The following RMDN3 variants were observed in gnomAD, a reference collection of about 807,000 sequenced individuals.
The protein encoded by RMDN3 is regulator of microtubule dynamics 3.
A neutral mutation model predicts 61.8 loss-of-function variants in RMDN3; 41 were observed. The ratio of observed to expected loss-of-function variants is 0.66; its 90% confidence interval spans 0.52 to 0.86. RMDN3 has a LOEUF of 0.86. RMDN3 is among the 40% of genes least tolerant of loss of function. The pLI is 0.00. For synonymous variants in RMDN3, 247 were observed against 232.0 expected (o/e 1.06, Z -0.59); for missense variants, 557 against 585.3 (o/e 0.95, Z 0.50).
rs1596038619 is a variant in RMDN3, at chr15:40,737,966, T to C, written c.1124A>G (p.Gln375Arg). 1.2e-6 allele frequency: 2 copies of C among 1,614,170 alleles called. No homozygotes were observed. The highest frequency in any genetic ancestry group is 1.7e-6 in the Non-Finnish European group (2 of 1,180,000). Residue 375 changes from glutamine (Q) to arginine (R), a missense_variant and splice_region_variant, in exon 9 of 13, where the codon CAG (glutamine) becomes CGG (arginine). Transcript: ENST00000338376. ...GTCAAGCACTGAAACGCAGCTTACC[T>C]GATAGCACCACCTGCCAAGAAGAAA... ...AHFLLGRWCY[Q>R]VSHLSWLEKK...
intron 4 of RMDN3, 21 bp from the exon 5 acceptor site, chr15:40,745,280 A>C (rs35952852): frequency 1.9e-6 from 3 of 1,610,232 alleles, no homozygotes; most frequent in Admixed American, 3.3e-5. Flanking sequence ...AATGTAAGGG[A>C]CAACAAGAGG....
At position 40,754,291 on chromosome 15, in the gene RMDN3, G is replaced by A. The variant is rs560217653; in HGVS notation, c.187+306C>T. ...GACTACAGGCCGCGCCACCACGCCC[G>A]GCTAATTTTTGTATTTTTAGTAGAG... is the stretch of plus-strand genomic sequence containing the variant. On this transcript the variant is annotated intron_variant, in intron 2 of 12. Transcript: ENST00000338376. Among the ~76,000 whole-genome samples the A allele has an allele frequency of 5.0e-4, 76 of 152,022 alleles. 1 individual carries two copies. In the South Asian group the frequency reaches 0.011, roughly 23 times the overall value.
In RMDN3 at chr15:40,751,545, T is replaced by C. The variant is rs1412474413; in HGVS notation, c.405A>G (p.Arg135=). 1 of 1,614,170 alleles carries C rather than the reference T, an allele frequency of 6.2e-7. No individual in the cohort carries two copies. Among genetic ancestry groups the C allele is most frequent in the Non-Finnish European group, 8.5e-7 (1 of 1,180,028 alleles). Residue 135 remains arginine, a synonymous_variant, in exon 4 of 13, where the codon AGA becomes AGG. Coordinates refer to ENST00000338376, the MANE Select transcript of RMDN3 (RefSeq NM_018145.3). ...ACGGAAACCTTCGCCGCCGAGCCAC[T>C]CTCTGGTTCTCTTCCATGTGGCATC... ...EVRCHMEENQ[R]VARRRRFPFV...
rs879078635 is a variant in RMDN3, at chr15:40,736,651, C to T, written c.1360-57G>A. On this transcript the variant is annotated intron_variant, in intron 12 of 12. Coordinates refer to ENST00000338376, the MANE Select transcript of RMDN3 (RefSeq NM_018145.3). Reference sequence around the variant, plus strand: ...AAATTTAAACCAGCATTTTCCCAAACCAGTGGAACCTAAGAAGAGGGGCCC... The same window carrying T: ...AAATTTAAACCAGCATTTTCCCAAATCAGTGGAACCTAAGAAGAGGGGCCC... 1.3e-5 allele frequency: 19 copies of T among 1,496,286 alleles called. No homozygotes were observed. The South Asian group carries it at 1.9e-4, about 15-fold the overall frequency. 92.7% of individuals were successfully genotyped at this position (1,496,286 alleles called of 1,614,324 possible).
At chr15:40,743,944 C>A in intron 6 of RMDN3, 103 bp downstream of exon 6, 1 of 944,130 alleles carries the variant, frequency 1.1e-6, no homozygotes. Flanking sequence ...TGAGCCACAA[C>A]TGCTGACAGC....
At chr15:40,738,822 G>GTAA in intron 7 of RMDN3, 1 of 542,390 alleles carries the variant, frequency 1.8e-6, no homozygotes, top group Non-Finnish European at 3.3e-6. Flanking sequence ...AAAAAGCTGG[G>GTAA]TTCACCACAG....
intron 4 of RMDN3, chr15:40,747,693 T>G (rs1011662264): frequency 6.6e-6 from 1 of 151,970 alleles, no homozygotes; most frequent in East Asian, 1.9e-4. Flanking sequence ...TTTGGTCCTG[T>G]GCACTCCGGA....
intron 6 of RMDN3, among the ~76,000 whole-genome samples, chr15:40,742,551 G>A (rs766764777): frequency 1.9e-4 from 29 of 152,204 alleles, no homozygotes; most frequent in Non-Finnish European, 4.0e-4. Context: ...CTGCCTCCTG[G>A]TGGTCCAGCT....
In RMDN3 at chr15:40,751,151, G is replaced by A. The variant is rs114722598; in HGVS notation, c.524+275C>T. 4.1e-3 allele frequency among the ~76,000 whole-genome samples: 621 copies of A among 152,334 alleles called. 7 individuals carry two copies. Among genetic ancestry groups the A allele is most frequent in the African/African-American group, 0.014 (602 of 41,574 alleles). Reference sequence around the variant, plus strand: ...AACAAAGTCAAACAATGCTTATCAAGTCCTTGTGATAACACAGAAAAATGC... The same window carrying A: ...AACAAAGTCAAACAATGCTTATCAAATCCTTGTGATAACACAGAAAAATGC... On this transcript the variant is annotated intron_variant, in intron 4 of 12. Transcript: ENST00000338376.
chr15:40,738,175 T>G (rs1266768307), intron 8 of RMDN3, 133 bp from the exon 9 acceptor site: 1 of 910,298 alleles, frequency 1.1e-6, no homozygotes. Flanking sequence ...TCACCTGAGG[T>G]CAGGAGTTCG....
chr15:40,755,054 A>G, intron 1 of RMDN3, 29 bp downstream of exon 1: 1 of 413,608 alleles, frequency 2.4e-6, no homozygotes, highest in East Asian at 4.4e-5. Context: ...CGGGTCACAG[A>G]GTCCGGCTTC....
chr15:40,741,266 G>A (rs1897265746), intron 6 of RMDN3, among the ~76,000 whole-genome samples: 2 of 152,064 alleles, frequency 1.3e-5, no homozygotes, highest in Admixed American at 1.3e-4. Context: ...CTAGAACTTT[G>A]AGAGGCCAAG....
Position 40,752,176 on chromosome 15 carries a change from T to G in RMDN3, c.190A>C (p.Met64Leu). Residue 64 changes from methionine to leucine, a missense_variant and splice_region_variant, in exon 3 of 13, where the codon ATG (methionine) becomes CTG (leucine). By Grantham distance (15) the Met-to-Leu change is conservative (BLOSUM62 2). Coordinates refer to ENST00000338376, the MANE Select transcript of RMDN3 (RefSeq NM_018145.3). ...TQTSDPGRHV[M>L]LLRAVPGGAG... ...CCACCTGGGACAGCCCGCAGGAGCA[T>G]CACTGAAGGGGGAAACGAATGGGAG... 2 of 1,612,700 alleles carry G rather than the reference T, an allele frequency of 1.2e-6. No individual in the cohort carries two copies. Among genetic ancestry groups the G allele is most frequent in the Non-Finnish European group, 1.7e-6 (2 of 1,179,256 alleles).
chr15:40,744,638 GA>G (rs921159447), intron 5 of RMDN3, among the ~76,000 whole-genome samples: 51 of 148,372 alleles, frequency 3.4e-4, no homozygotes, highest in Non-Finnish European at 6.4e-4. Context: ...GAAATGAGGA[GA>G]AAAAAAAAAT....
At position 40,736,332 on chromosome 15, in the gene RMDN3, CAGAAACGGAAGCCATG is replaced by C; in HGVS notation, c.*193_*208del. The C allele has an allele frequency of 1.9e-6, 1 of 522,438 alleles. No homozygotes were observed. 32.4% of individuals were successfully genotyped at this position (522,438 alleles called of 1,614,324 possible). A position where few individuals can be genotyped will look rare whatever the true frequency, so the allele number is the denominator to read the frequency against. Reference sequence around the variant, plus strand: ...AGAGATTACTCAAGGGAGAGAACAACAGAAACGGAAGCCATGAGTACTGCCCCAATTCTAGATTAGG... The same window carrying C: ...AGAGATTACTCAAGGGAGAGAACAACAGTACTGCCCCAATTCTAGATTAGG... On this transcript the variant is annotated 3_prime_UTR_variant, in exon 13 of 13. Coordinates refer to ENST00000338376, the MANE Select transcript of RMDN3 (RefSeq NM_018145.3).
At position 40,740,212 on chromosome 15, in the gene RMDN3, T is replaced by A; in HGVS notation, c.911-19A>T. ...TCTTTTCCTGTAGGACGAAGGTAGA[T>A]CCAGAGTTGACATAGCTCTTATGCA... On this transcript the variant is annotated intron_variant, in intron 6 of 12. Coordinates refer to ENST00000338376, the MANE Select transcript of RMDN3 (RefSeq NM_018145.3). 6.3e-7 allele frequency: 1 copy of A among 1,584,836 alleles called. No homozygotes were observed. The highest frequency in any genetic ancestry group is 8.7e-7 in the Non-Finnish European group (1 of 1,155,156).
At chr15:40,744,267 A>T in intron 5 of RMDN3, 118 bp from the exon 6 acceptor site, 1 of 844,686 alleles carries the variant, frequency 1.2e-6, no homozygotes, top group Non-Finnish European at 1.9e-6. Context: ...ACAGTCATCA[A>T]TATCAGGCCA....
intron 6 of RMDN3, among the ~76,000 whole-genome samples, chr15:40,740,616 A>T (rs953362660): frequency 3.3e-5 from 5 of 152,238 alleles, no homozygotes; most frequent in Admixed American, 3.3e-4. Context: ...ACTGCACTCC[A>T]GACTAGGTGA....
At chr15:40,736,957 G>T (rs978530629) in intron 12 of RMDN3, among the ~76,000 whole-genome samples, 167 bp downstream of exon 12, 1 of 152,160 alleles carries the variant, frequency 6.6e-6, no homozygotes. Context: ...GGATTCAAGC[G>T]ATTCTCCAGC....
Sources: allele counts gnomAD v4.1 joint callset (sites outside exome capture counted in the v4.1 genomes callset), GRCh38; gene constraint gnomAD v4.1.1; transcripts MANE v1.5; gene names NCBI Gene and HGNC (gene_info 2026-07-23, HGNC 2026-07-21).